The following GCNT1 variants were observed in gnomAD, a reference collection of about 807,000 sequenced individuals.
GCNT1 encodes beta-1,3-galactosyl-O-glycosyl-glycoprotein beta-1,6-N-acetylglucosaminyltransferase.
In GCNT1, 16 loss-of-function variants were observed where a neutral mutation model predicts 26.2. The observed-to-expected ratio is 0.61, with a 90% CI of 0.41 to 0.93. The LOEUF (loss-of-function observed/expected upper bound fraction) is 0.93, where lower values mean the gene tolerates loss of function less well. GCNT1 is among the 40% of genes least tolerant of loss of function. The pLI, the probability that GCNT1 is intolerant of heterozygous loss-of-function variation, is 0.00. For missense variants in GCNT1, 477 were observed against 526.7 expected (o/e 0.91, Z 0.92); for synonymous variants, 183 against 190.8 (o/e 0.96, Z 0.34).
At chr9:76,399,424 G>T in the GCNT1 span, 1 of 1,510,576 alleles carries the variant, frequency 6.6e-7, no homozygotes, top group East Asian at 2.2e-5. Context: ...CTGCTACTCA[G>T]CCTGAGGTTG....
At chr9:76,499,284 C>T (rs529599253) in intron 2 of GCNT1, among the ~76,000 whole-genome samples, 3 of 152,124 alleles carry the variant, frequency 2.0e-5, no homozygotes, top group South Asian at 2.1e-4. Context: ...TGCACCACTA[C>T]GCCCGGCTAA....
At chr9:76,434,946 G>A (rs1823388110) in intron 1 of GCNT1, among the ~76,000 whole-genome samples, 2 of 152,142 alleles carry the variant, frequency 1.3e-5, no homozygotes, top group Admixed American at 6.5e-5. Context: ...TCCCACCCTG[G>A]TAAATTTGAG....
At chr9:76,472,440 G>A (rs1371488827) in intron 2 of GCNT1, among the ~76,000 whole-genome samples, 1 of 152,168 alleles carries the variant, frequency 6.6e-6, no homozygotes, top group Admixed American at 6.5e-5. Context: ...TACCCACAAG[G>A]GTGAAGCTGC....
chr9:76,440,301 T>C (rs1048237441), upstream of GCNT1, among the ~76,000 whole-genome samples: 20 of 152,122 alleles, frequency 1.3e-4, no homozygotes, highest in East Asian at 1.5e-3. Context: ...CTAGTTAATA[T>C]AATCTTCAAG....
At chr9:76,405,375 T>TA in the GCNT1 span, among the ~76,000 whole-genome samples, 46,894 of 151,902 alleles carry the variant, frequency 0.31, 8,085 homozygotes, top group Non-Finnish European at 0.39. Flanking sequence ...TTACAACTGA[T>TA]ATATGTGCAT....
chr9:76,424,345 G>A (rs1823234200), intron 1 of GCNT1, among the ~76,000 whole-genome samples: 1 of 152,192 alleles, frequency 6.6e-6, no homozygotes, highest in East Asian at 1.9e-4. Flanking sequence ...GTTTCTACCT[G>A]TAGTGCCTCT....
intron 2 of GCNT1, among the ~76,000 whole-genome samples, chr9:76,498,253 T>G (rs1463528112): frequency 2.6e-5 from 4 of 152,222 alleles, no homozygotes; most frequent in Non-Finnish European, 2.9e-5. Flanking sequence ...TTCCACTATT[T>G]TAGCTATTAG....
intron 1 of GCNT1, among the ~76,000 whole-genome samples, chr9:76,442,812 C>T (rs1823501770): frequency 6.6e-6 from 1 of 151,988 alleles, no homozygotes; most frequent in Non-Finnish European, 1.5e-5. Context: ...TTCATTTATT[C>T]TCTTATTTAT....
the GCNT1 span, among the ~76,000 whole-genome samples, chr9:76,412,280 A>G: frequency 6.6e-6 from 1 of 152,214 alleles, no homozygotes; most frequent in African/African-American, 2.4e-5. Context: ...TGCCATTATT[A>G]TTTGAAACAA....
chr9:76,457,276 C>G (rs989715655), upstream of GCNT1, among the ~76,000 whole-genome samples: 50 of 152,156 alleles, frequency 3.3e-4, 1 homozygote, highest in Middle Eastern at 3.4e-3. Flanking sequence ...TGAGATGGAG[C>G]CTTGCTTTGT....
intron 2 of GCNT1, among the ~76,000 whole-genome samples, chr9:76,475,364 G>C (rs1824228808): frequency 6.6e-6 from 1 of 152,132 alleles, no homozygotes; most frequent in African/African-American, 2.4e-5. Flanking sequence ...CCTCCAAAAA[G>C]AGAATCTGTA....
At chr9:76,401,783 A>C in the GCNT1 span, among the ~76,000 whole-genome samples, 1 of 152,126 alleles carries the variant, frequency 6.6e-6, no homozygotes, top group South Asian at 2.1e-4. Flanking sequence ...TAATCCCAGC[A>C]CTTTGGGAGG....
intron 2 of GCNT1, among the ~76,000 whole-genome samples, chr9:76,469,188 C>G (rs1170125151): frequency 6.6e-6 from 1 of 152,122 alleles, no homozygotes; most frequent in Non-Finnish European, 1.5e-5. Flanking sequence ...TTGCATCCTC[C>G]AAGTTTTTGA....
In GCNT1 at chr9:76,506,884, T is replaced by A. The variant is rs1473442527; in HGVS notation, c.*3216T>A. On this transcript the variant is annotated 3_prime_UTR_variant, in exon 4 of 4. Transcript: ENST00000376730. ...GTAGGGTCGATTGAATTGGACCTTT[T>A]CAGTTGTTCAGAAAAATAAAAATAA... 1 of 167,016 alleles carries A rather than the reference T, an allele frequency of 6.0e-6. No individual in the cohort carries two copies. The highest frequency in any genetic ancestry group is 1.5e-5 in the Non-Finnish European group (1 of 68,110). The allele number at this position is 167,016 out of a possible 1,614,324, so 10.3% of individuals were successfully genotyped here.
chr9:76,437,245 T>C (rs1237394757), upstream of GCNT1, among the ~76,000 whole-genome samples: 1 of 152,124 alleles, frequency 6.6e-6, no homozygotes, highest in African/African-American at 2.4e-5. Flanking sequence ...CTGGGCTGCA[T>C]TCCCAGACGG....
At chr9:76,414,140 A>G in the GCNT1 span, among the ~76,000 whole-genome samples, 5 of 152,186 alleles carry the variant, frequency 3.3e-5, no homozygotes, top group African/African-American at 1.2e-4. Context: ...AGCCTTTACT[A>G]TGTTAATCAT....
upstream of GCNT1, among the ~76,000 whole-genome samples, chr9:76,417,010 A>G (rs1375218899): frequency 6.6e-6 from 1 of 152,188 alleles, no homozygotes; most frequent in Non-Finnish European, 1.5e-5. Context: ...CAGTGAGCCA[A>G]GATTGTGCCA....
At chr9:76,446,684 A>G (rs1158856113) in intron 1 of GCNT1, among the ~76,000 whole-genome samples, 1 of 152,234 alleles carries the variant, frequency 6.6e-6, no homozygotes, top group Non-Finnish European at 1.5e-5. Flanking sequence ...CTATTTGAAT[A>G]TCATGGCATA....
At chr9:76,413,653 G>GTTTTTGTTTTTTTGTTTTT in the GCNT1 span, among the ~76,000 whole-genome samples, 3 of 118,664 alleles carry the variant, frequency 2.5e-5, no homozygotes, top group African/African-American at 6.1e-5. Context: ...GTTTTGTTTT[G>GTTTTTGTTTTTTTGTTTTT]TTTTTTTTTT....
Sources: gnomAD v4.1 joint callset for allele counts (sites outside exome capture counted in the v4.1 genomes callset) on GRCh38, gnomAD v4.1.1 for gene constraint, MANE v1.5 for transcripts, NCBI Gene and HGNC (gene_info 2026-07-23, HGNC 2026-07-21) for gene names.